Variants in CSMD1 observed in about 807,000 individuals in gnomAD.
CSMD1 encodes CUB and sushi domain-containing protein 1.
Under a neutral mutation model 417.5 loss-of-function variants are expected in CSMD1, and 213 were observed. That is an observed-to-expected ratio of 0.51 (90% CI 0.46 to 0.57). The LOEUF (loss-of-function observed/expected upper bound fraction) is 0.57, where lower values mean the gene tolerates loss of function less well. CSMD1 is among the 20% of genes least tolerant of loss of function. The probability of loss-of-function intolerance (pLI) is 0.00; values close to 1 mark genes in which losing one functional copy is unlikely to be tolerated. For missense variants in CSMD1, 6,923 were observed against 4,529.7 expected (o/e 1.53, Z -15.17); for synonymous variants, 2,862 against 1,736.8 (o/e 1.65, Z -16.11).
chr8:3,110,318 C>A lies in CSMD1; in HGVS notation c.6448G>T (p.Val2150Leu). The A allele has an allele frequency of 1.2e-6, 2 of 1,610,668 alleles. No homozygotes were observed. The highest frequency in any genetic ancestry group is 1.7e-6 in the Non-Finnish European group (2 of 1,178,640). ...PRCDAPCGYN[V>L]TSQNGTIYSP... Reference sequence around the variant, plus strand: ...TAGATGGTGCCGTTCTGAGAAGTTACGTTGTACCCACAAGGGGCTGCAAAG... The same window carrying A: ...TAGATGGTGCCGTTCTGAGAAGTTAAGTTGTACCCACAAGGGGCTGCAAAG... Residue 2150 changes from valine (V) to leucine (L), a missense_variant, in exon 43 of 70, where the codon GTA becomes TTA. Val to Leu is a conservative substitution (Grantham distance 32, BLOSUM62 1). Transcript: ENST00000635120.
chr8:4,020,261 C>G (rs1007368870), intron 4 of CSMD1, among the ~76,000 whole-genome samples: 3 of 152,190 alleles, frequency 2.0e-5, no homozygotes, highest in Non-Finnish European at 4.4e-5. Flanking sequence ...CAATTGACAG[C>G]ACTGGGATTT....
intron 1 of CSMD1, among the ~76,000 whole-genome samples, chr8:4,930,626 C>G (rs934297033): frequency 2.5e-4 from 38 of 152,144 alleles, no homozygotes; most frequent in African/African-American, 9.2e-4. Flanking sequence ...CCTGTCTCTC[C>G]AAAGACTGGT....
intron 63 of CSMD1, among the ~76,000 whole-genome samples, chr8:2,956,710 C>T (rs1028001015): frequency 6.6e-6 from 1 of 152,100 alleles, no homozygotes; most frequent in Non-Finnish European, 1.5e-5. Flanking sequence ...CCTGCCTCGG[C>T]CTCCCAAAAT....
chr8:3,737,280 A>G (rs1345434725), intron 6 of CSMD1, among the ~76,000 whole-genome samples: 1 of 152,306 alleles, frequency 6.6e-6, no homozygotes, highest in African/African-American at 2.4e-5. Context: ...TTATCTTGCT[A>G]AAGTAAATTG....
chr8:3,901,192 G>A (rs1442884287), intron 5 of CSMD1, among the ~76,000 whole-genome samples: 2 of 152,126 alleles, frequency 1.3e-5, no homozygotes, highest in African/African-American at 4.8e-5. Context: ...AGAATTTATT[G>A]ATCATTCTTC....
At position 2,956,318 on chromosome 8, in the gene CSMD1, A is replaced by G. The variant is rs188071020; in HGVS notation, c.9815-550T>C. On this transcript the variant is annotated intron_variant, in intron 63 of 69. Transcript: ENST00000635120. ...TCTTATTTTCTTTGAAATATAATTT[A>G]GGAATAAATGAGACTGTGATGTATA... Among the ~76,000 whole-genome samples the G allele has an allele frequency of 6.6e-5, 10 of 152,250 alleles. No individual in the cohort carries two copies. The East Asian group carries it at 1.5e-3, about 23-fold the overall frequency.
At chr8:2,942,851 A>G (rs1190282179) in intron 68 of CSMD1, among the ~76,000 whole-genome samples, 1 of 152,206 alleles carries the variant, frequency 6.6e-6, no homozygotes, top group Admixed American at 6.5e-5. Context: ...AAATGTGAGA[A>G]AGGCAAAAGG....
chr8:3,552,422 G>T (rs1798957028), intron 10 of CSMD1, among the ~76,000 whole-genome samples: 1 of 152,054 alleles, frequency 6.6e-6, no homozygotes, highest in Admixed American at 6.6e-5. Flanking sequence ...ATAACAATTT[G>T]TGTATTTTTA....
chr8:3,381,573 T>C (rs1024131188), intron 18 of CSMD1, among the ~76,000 whole-genome samples: 4 of 152,148 alleles, frequency 2.6e-5, no homozygotes, highest in African/African-American at 9.7e-5. Flanking sequence ...CCCAAAAATA[T>C]GACAAATATT....
intron 3 of CSMD1, among the ~76,000 whole-genome samples, chr8:4,309,147 A>T (rs1004914799): frequency 1.3e-5 from 2 of 152,172 alleles, no homozygotes; most frequent in Non-Finnish European, 2.9e-5. Context: ...CACACAGGCC[A>T]ATTCAACAAC....
At chr8:4,254,737 A>G (rs1282307808) in intron 3 of CSMD1, among the ~76,000 whole-genome samples, 4 of 152,030 alleles carry the variant, frequency 2.6e-5, no homozygotes, top group Non-Finnish European at 4.4e-5. Context: ...GTATCTTCAG[A>G]TCTGCAAAGT....
chr8:3,722,364 T>G (rs1377074719), intron 6 of CSMD1, among the ~76,000 whole-genome samples: 1 of 152,100 alleles, frequency 6.6e-6, no homozygotes, highest in Non-Finnish European at 1.5e-5. Context: ...TAAGACGAAG[T>G]TGAGGGTCAC....
At chr8:3,530,220 CTCT>C (rs1797920849) in intron 10 of CSMD1, among the ~76,000 whole-genome samples, 1 of 152,072 alleles carries the variant, frequency 6.6e-6, no homozygotes, top group African/African-American at 2.4e-5. Flanking sequence ...ATTTAGTTTG[CTCT>C]TTTTTTATAG....
chr8:4,204,801 C>G (rs752063178), intron 3 of CSMD1, among the ~76,000 whole-genome samples: 1 of 151,658 alleles, frequency 6.6e-6, no homozygotes, highest in Non-Finnish European at 1.5e-5. Flanking sequence ...ACCACAGGCA[C>G]AGGTCAGCAC....
At chr8:4,293,921 G>A (rs1463527703) in intron 3 of CSMD1, among the ~76,000 whole-genome samples, 2 of 151,894 alleles carry the variant, frequency 1.3e-5, no homozygotes, top group Non-Finnish European at 3.0e-5. Context: ...AGTGTCTACT[G>A]TAGAGCTTTC....
chr8:3,302,893 G>A (rs937626127), intron 25 of CSMD1, among the ~76,000 whole-genome samples: 3 of 152,140 alleles, frequency 2.0e-5, no homozygotes, highest in Non-Finnish European at 4.4e-5. Flanking sequence ...CAAAGTGAGT[G>A]GGGTTGCAGG....
chr8:3,833,593 A>G (rs1802494967), intron 5 of CSMD1, among the ~76,000 whole-genome samples: 1 of 151,986 alleles, frequency 6.6e-6, no homozygotes, highest in African/African-American at 2.4e-5. Flanking sequence ...AATTTTGATG[A>G]TACTTTGAAC....
chr8:3,448,405 A>G (rs1487192377), intron 12 of CSMD1, among the ~76,000 whole-genome samples: 1 of 117,104 alleles, frequency 8.5e-6, no homozygotes, highest in African/African-American at 3.4e-5. Context: ...AAGGGAAGGA[A>G]GGAAGGAAGG....
intron 7 of CSMD1, among the ~76,000 whole-genome samples, chr8:3,682,147 T>G (rs1585068137): frequency 6.6e-6 from 1 of 152,258 alleles, no homozygotes; most frequent in Non-Finnish European, 1.5e-5. Flanking sequence ...ACTTCATGTC[T>G]AAAACACCAA....
Sources: gnomAD v4.1 joint callset for allele counts (sites outside exome capture counted in the v4.1 genomes callset) on GRCh38, gnomAD v4.1.1 for gene constraint, MANE v1.5 for transcripts, NCBI Gene and HGNC (gene_info 2026-07-23, HGNC 2026-07-21) for gene names.